Variants in WDPCP observed in about 807,000 individuals in gnomAD.
WDPCP encodes WD repeat containing planar cell polarity effector, also known as WD repeat-containing and planar cell polarity effector protein fritz homolog.
Under a neutral mutation model 93.1 loss-of-function variants are expected in WDPCP, and 71 were observed. That is an observed-to-expected ratio of 0.76 (90% CI 0.63 to 0.93). The LOEUF is 0.93. Ranked by LOEUF, WDPCP falls within the 40% of genes least tolerant of loss-of-function variation. WDPCP has a pLI of 0.00. For synonymous variants in WDPCP, 315 were observed against 315.0 expected, an observed-to-expected ratio of 1.00 and a Z score of 0.00; for missense variants, 844 against 887.4, an observed-to-expected ratio of 0.95 and a Z score of 0.62.
intron 13 of WDPCP, among the ~76,000 whole-genome samples, chr2:63,292,006 G>T (rs943692950): frequency 1.3e-5 from 2 of 150,858 alleles, no homozygotes; most frequent in African/African-American, 4.9e-5. Flanking sequence ...GGTGGCGGGC[G>T]CCTGTAGTCC....
At chr2:63,293,599 T>C (rs1684610048) in intron 13 of WDPCP, among the ~76,000 whole-genome samples, 1 of 152,064 alleles carries the variant, frequency 6.6e-6, no homozygotes, top group Non-Finnish European at 1.5e-5. Flanking sequence ...AACAGCTGTC[T>C]AAAATCTGCT....
At chr2:63,333,602 AC>A (rs1326364012) in intron 12 of WDPCP, among the ~76,000 whole-genome samples, 5 of 152,248 alleles carry the variant, frequency 3.3e-5, no homozygotes, top group Non-Finnish European at 5.9e-5. Context: ...GTCTTCAGAT[AC>A]ACTCAACCAA....
chr2:63,486,148 C>G (rs1474429573), intron 4 of WDPCP, among the ~76,000 whole-genome samples: 1 of 151,530 alleles, frequency 6.6e-6, no homozygotes, highest in Non-Finnish European at 1.5e-5. Flanking sequence ...TCAGAAAAGA[C>G]TAGAGTGAAT....
intron 1 of WDPCP, among the ~76,000 whole-genome samples, chr2:63,511,487 A>T (rs1165109989): frequency 6.6e-6 from 1 of 152,206 alleles, no homozygotes; most frequent in Non-Finnish European, 1.5e-5. Context: ...ATGCTACCTG[A>T]CTTCAAACTA....
intron 2 of WDPCP, among the ~76,000 whole-genome samples, chr2:63,710,693 G>A (rs972163804): frequency 2.6e-5 from 4 of 152,190 alleles, no homozygotes; most frequent in East Asian, 1.9e-4. Flanking sequence ...ACCATTTTGC[G>A]ATTGTATTGT....
At chr2:63,630,759 A>T (rs2106634181) in intron 3 of WDPCP, among the ~76,000 whole-genome samples, 1 of 152,354 alleles carries the variant, frequency 6.6e-6, no homozygotes, top group South Asian at 2.1e-4. Context: ...AACAACATCA[A>T]CCAACAGAAT....
At chr2:63,621,482 A>G (rs1351401076) in intron 3 of WDPCP, among the ~76,000 whole-genome samples, 1 of 152,096 alleles carries the variant, frequency 6.6e-6, no homozygotes, top group African/African-American at 2.4e-5. Context: ...AGAATAAAGA[A>G]TGAAAAGTAA....
chr2:63,694,015 TTGTC>T (rs1256378668), intron 2 of WDPCP, among the ~76,000 whole-genome samples: 4 of 152,168 alleles, frequency 2.6e-5, no homozygotes, highest in African/African-American at 9.7e-5. Flanking sequence ...TCATACTAAT[TTGTC>T]TGTGTATATT....
intron 13 of WDPCP, among the ~76,000 whole-genome samples, chr2:63,264,630 G>A (rs972672065): frequency 6.6e-6 from 1 of 152,020 alleles, no homozygotes; most frequent in Middle Eastern, 3.2e-3. Flanking sequence ...ATACAATAAT[G>A]GTAGTAGACT....
chr2:63,685,265 A>C (rs1668789898), intron 2 of WDPCP, among the ~76,000 whole-genome samples: 1 of 152,180 alleles, frequency 6.6e-6, no homozygotes, highest in South Asian at 2.1e-4. Flanking sequence ...AGAGATGAAA[A>C]AGCAGACATT....
At chr2:63,212,981 TAG>T (rs2104423347) in intron 14 of WDPCP, among the ~76,000 whole-genome samples, 1 of 152,146 alleles carries the variant, frequency 6.6e-6, no homozygotes, top group East Asian at 1.9e-4. Context: ...AGCAAGTCCT[TAG>T]AGACCTACAA....
intron 3 of WDPCP, chr2:63,622,319 G>C: frequency 6.3e-7 from 1 of 1,596,592 alleles, no homozygotes; most frequent in Non-Finnish European, 8.6e-7. Flanking sequence ...AAGGGGCCTC[G>C]CCTTGCAGCT....
At chr2:63,209,020 T>A (rs1001408188) in intron 14 of WDPCP, among the ~76,000 whole-genome samples, 2 of 152,166 alleles carry the variant, frequency 1.3e-5, no homozygotes, top group African/African-American at 4.8e-5. Context: ...GACTGGGTGC[T>A]TACAGCCAGA....
intron 2 of WDPCP, among the ~76,000 whole-genome samples, chr2:63,740,182 AC>A (rs1464184487): frequency 2.0e-5 from 3 of 152,116 alleles, no homozygotes; most frequent in Admixed American, 6.6e-5. Flanking sequence ...ATATATGTGT[AC>A]TTCTATTAAG....
chr2:63,550,130 C>A lies in WDPCP; in HGVS notation c.75+38067G>T, dbSNP rs903785737. Among the ~76,000 whole-genome samples the A allele has an allele frequency of 4.0e-5, 6 of 150,986 alleles. 1 individual carries two copies. The highest frequency in any genetic ancestry group is 4.0e-4 in the Admixed American group (6 of 15,136). On this transcript the variant is annotated intron_variant, in intron 1 of 17. Coordinates refer to ENST00000272321, the MANE Select transcript of WDPCP (RefSeq NM_015910.7). ...TACTGGCTTCTCCTATGTTCTCATG[C>A]GTAGATTCTTTATCTCACACATTCC...
At chr2:63,659,923 C>A (rs1268750979) in intron 2 of WDPCP, among the ~76,000 whole-genome samples, 1 of 152,094 alleles carries the variant, frequency 6.6e-6, no homozygotes, top group East Asian at 1.9e-4. Flanking sequence ...TTTTAATAAT[C>A]CAATCATTTT....
chr2:63,382,244 A>G (rs1268238232), intron 10 of WDPCP, 150 bp from the exon 11 acceptor site: 2 of 716,930 alleles, frequency 2.8e-6, no homozygotes, highest in African/African-American at 1.8e-5. Context: ...AATATTTGCT[A>G]TAAGATACAC....
chr2:63,288,190 G>A (rs186803775), intron 13 of WDPCP, among the ~76,000 whole-genome samples: 6 of 152,222 alleles, frequency 3.9e-5, no homozygotes, highest in East Asian at 1.9e-4. Flanking sequence ...CTGGACCTGC[G>A]CCAATGGCCA....
chr2:63,344,859 C>T (rs1193062502), intron 12 of WDPCP, among the ~76,000 whole-genome samples: 1 of 152,200 alleles, frequency 6.6e-6, no homozygotes, highest in Non-Finnish European at 1.5e-5. Context: ...CAACTAACCA[C>T]ACCAGAAATG....
Sources: allele counts gnomAD v4.1 joint callset (sites outside exome capture counted in the v4.1 genomes callset), GRCh38; gene constraint gnomAD v4.1.1; transcripts MANE v1.5; gene names NCBI Gene and HGNC (gene_info 2026-07-23, HGNC 2026-07-21).